Variants in MYCBP2 observed in about 807,000 individuals in gnomAD.
The protein encoded by MYCBP2 is MYC binding protein 2.
A neutral mutation model predicts 525.3 loss-of-function variants in MYCBP2; 120 were observed. The ratio of observed to expected loss-of-function variants is 0.23; its 90% CI spans 0.20 to 0.27. The LOEUF is 0.27. Among genes scored for constraint, MYCBP2 ranks in the 10% least tolerant of loss-of-function variants. The pLI, the probability that MYCBP2 is intolerant of heterozygous loss-of-function variation, is 1.00. For synonymous variants in MYCBP2, 1,894 were observed against 1,955.8 expected (o/e 0.97, Z 0.83); for missense variants, 4,149 against 5,657.1 (o/e 0.73, Z 8.55).
chr13:77,159,423 C>T (rs1429873988), intron 44 of MYCBP2, among the ~76,000 whole-genome samples: 1 of 151,942 alleles, frequency 6.6e-6, no homozygotes, highest in African/African-American at 2.4e-5. Flanking sequence ...AAGATCTCTC[C>T]ATATCTGGTC....
intron 52 of MYCBP2, among the ~76,000 whole-genome samples, chr13:77,130,691 C>T (rs984117154): frequency 2.0e-5 from 3 of 152,070 alleles, no homozygotes; most frequent in African/African-American, 7.2e-5. Context: ...GGTTCATCCA[C>T]GTATATAAGA....
intron 61 of MYCBP2, 82 bp downstream of exon 61, chr13:77,088,750 G>T: frequency 8.2e-7 from 1 of 1,224,120 alleles, no homozygotes; most frequent in Non-Finnish European, 1.2e-6. Flanking sequence ...ATTTCTGTTG[G>T]TAAAAAAGTG....
rs1012745680 is a variant in MYCBP2 at position 77,058,436 on chromosome 13, A to G, written c.13141-30T>C. ...TAAAGATGAATTACAATGTTACACA[A>G]GTATGTAAAAAAGCACACATTCTGG... is the stretch of plus-strand genomic sequence containing the variant. On this transcript the variant is annotated intron_variant, in intron 77 of 82. Coordinates refer to ENST00000544440, the MANE Select transcript of MYCBP2 (RefSeq NM_015057.5). The surrounding 1 kb of genome is among the most constrained non-coding windows in gnomAD (Gnocchi z 4.1). 2.6e-6 allele frequency: 4 copies of G among 1,515,230 alleles called. No homozygotes were observed. The African/African-American group carries it at 5.6e-5, about 21-fold the overall frequency. The allele number at this position is 1,515,230 out of a possible 1,614,324, so 93.9% of individuals were successfully genotyped here.
intron 52 of MYCBP2, among the ~76,000 whole-genome samples, chr13:77,129,971 C>T (rs2052459378): frequency 6.6e-6 from 1 of 151,680 alleles, no homozygotes; most frequent in African/African-American, 2.4e-5. Context: ...AAGTTTAAGT[C>T]TAAAAATGTT....
At chr13:77,082,187 C>T (rs73239452) in intron 63 of MYCBP2, 194 bp from the exon 64 acceptor site, 11,957 of 498,312 alleles carry the variant, frequency 0.024, 243 homozygotes, top group Middle Eastern at 0.052. Context: ...TTCTTTGGAA[C>T]AAGGTAAATT....
At chr13:77,295,867 A>G (rs1201827257) in intron 2 of MYCBP2, among the ~76,000 whole-genome samples, 1 of 152,166 alleles carries the variant, frequency 6.6e-6, no homozygotes, top group Admixed American at 6.5e-5. Context: ...TTGCAGAGCT[A>G]CCAACAGTCA....
At chr13:77,199,920 G>A (rs1189985268) in intron 26 of MYCBP2, among the ~76,000 whole-genome samples, 8 of 152,158 alleles carry the variant, frequency 5.3e-5, no homozygotes, top group Non-Finnish European at 7.3e-5. Context: ...ACCAAAAGTC[G>A]ATAAAACCAC....
At position 77,055,738 on chromosome 13, in the gene MYCBP2, G is replaced by T. The variant is rs61753809; in HGVS notation, c.13467C>A (p.Asp4489Glu). The T allele has an allele frequency of 1.5e-5, 24 of 1,613,158 alleles. No individual in the cohort carries two copies. Among genetic ancestry groups the T allele is most frequent in the Non-Finnish European group, 2.0e-5 (24 of 1,179,628 alleles). Residue 4489 changes from aspartate (D) to glutamate (E), a missense_variant, in exon 80 of 83, where the codon GAC (aspartate) becomes GAA (glutamate). This residue lies in a region of MYCBP2 where 220 missense variants were observed against 396.0 expected (regional missense o/e 0.56). Transcript: ENST00000544440. ...KNKINHIVLK[D>E]LLDPIKELYE... ...AGAGTTCTTTTATTGGATCAAGTAG[G>T]TCTTTTAGTACTATGTGATTAATTT...
intron 15 of MYCBP2, among the ~76,000 whole-genome samples, chr13:77,246,458 AAAG>A (rs1452227282): frequency 3.3e-5 from 5 of 152,000 alleles, no homozygotes; most frequent in African/African-American, 7.3e-5. Flanking sequence ...AGATGAAGAA[AAAG>A]AAGAAGAAAG....
At chr13:77,216,090 T>C (rs1322430620) in intron 21 of MYCBP2, among the ~76,000 whole-genome samples, 1 of 152,228 alleles carries the variant, frequency 6.6e-6, no homozygotes. Context: ...CAACTTGTTA[T>C]GCTGGAAAGA....
intron 70 of MYCBP2, among the ~76,000 whole-genome samples, chr13:77,068,208 C>T (rs1446030093): frequency 6.6e-6 from 1 of 152,074 alleles, no homozygotes; most frequent in Non-Finnish European, 1.5e-5. Flanking sequence ...ATATGATATA[C>T]ATACTATTCA....
chr13:77,313,786 C>T (rs894671825), intron 1 of MYCBP2, among the ~76,000 whole-genome samples: 1 of 151,930 alleles, frequency 6.6e-6, no homozygotes, highest in African/African-American at 2.4e-5. Context: ...TCACAGAATA[C>T]CAAGAACTCT....
chr13:77,277,193 A>G (rs959893490), intron 4 of MYCBP2, among the ~76,000 whole-genome samples: 3 of 152,200 alleles, frequency 2.0e-5, no homozygotes, highest in Admixed American at 6.5e-5. Flanking sequence ...GGGTATTTCA[A>G]CATTCCAATT....
In MYCBP2 at chr13:77,263,718, C is replaced by G; in HGVS notation, c.1503G>C (p.Leu501=). ...PVLQQELQLK[L]ARKCLHACGI... ...CACAGGCATGTAAGCATTTTCTAGC[C>G]AGTTTAAGTTGCAATTCTTGCTGTA... Residue 501 remains leucine (L), a synonymous_variant, in exon 10 of 83, where the codon CTG becomes CTC. Coordinates refer to ENST00000544440, the MANE Select transcript of MYCBP2 (RefSeq NM_015057.5). 6.2e-7 allele frequency: 1 copy of G among 1,613,088 alleles called. No individual in the cohort carries two copies. Among genetic ancestry groups the G allele is most frequent in the Non-Finnish European group, 8.5e-7 (1 of 1,179,404 alleles).
At chr13:77,226,906 G>C (rs1006762602) in intron 18 of MYCBP2, among the ~76,000 whole-genome samples, 24 of 152,106 alleles carry the variant, frequency 1.6e-4, no homozygotes, top group African/African-American at 4.6e-4. Context: ...ATTCAGTTTT[G>C]TTACCTTCAA....
At chr13:77,286,124 A>G (rs1014114550) in intron 3 of MYCBP2, among the ~76,000 whole-genome samples, 1 of 152,212 alleles carries the variant, frequency 6.6e-6, no homozygotes, top group African/African-American at 2.4e-5. Flanking sequence ...AGAACCTGAC[A>G]ATATGATTAA....
At chr13:77,206,510 C>A in intron 24 of MYCBP2, 143 bp downstream of exon 24, 1 of 741,590 alleles carries the variant, frequency 1.3e-6, no homozygotes. Context: ...TGGAATTAGC[C>A]TCTTAGAGGA....
At chr13:77,093,388 A>G (rs752463227) in intron 58 of MYCBP2, 56 bp from the exon 59 acceptor site, 30 of 1,452,014 alleles carry the variant, frequency 2.1e-5, no homozygotes, top group Non-Finnish European at 2.8e-5. Flanking sequence ...GATCCTCTCC[A>G]TTTTTAATCT....
In MYCBP2 at chr13:77,141,063, G is replaced by A; in HGVS notation, c.7304-120C>T. The A allele has an allele frequency of 4.3e-6, 3 of 700,482 alleles. No homozygotes were observed. In the Admixed American group the frequency reaches 9.3e-5, roughly 22 times the overall value. 43.4% of individuals were successfully genotyped at this position (700,482 alleles called of 1,614,324 possible). On this transcript the variant is annotated intron_variant, in intron 49 of 82. Transcript: ENST00000544440. The stretch of plus-strand genomic sequence containing the variant: ...AAATTAACACAAATATCTGATTTCT[G>A]TCCTTTTAAGGTGATGGATATTTAA...
Sources: gnomAD v4.1 joint callset for allele counts (sites outside exome capture counted in the v4.1 genomes callset) on GRCh38, gnomAD v4.1.1 for gene constraint, gnomAD v4.1.1 regional missense constraint, Gnocchi (gnomAD v3.1) non-coding constraint, MANE v1.5 for transcripts, NCBI Gene and HGNC (gene_info 2026-07-23, HGNC 2026-07-21) for gene names.